PTPRD: variants seen among roughly 807,000 people sequenced by gnomAD.
PTPRD encodes protein tyrosine phosphatase receptor type D, also known as receptor-type tyrosine-protein phosphatase delta.
A neutral mutation model predicts 214.5 loss-of-function variants in PTPRD; 34 were observed. The ratio of observed to expected loss-of-function variants is 0.16; its 90% CI spans 0.12 to 0.21. PTPRD has a LOEUF of 0.21. PTPRD is among the 10% of genes least tolerant of loss of function. The pLI, the probability that PTPRD is intolerant of heterozygous loss-of-function variation, is 1.00. For synonymous variants in PTPRD, 1,128 were observed against 845.7 expected, an observed-to-expected ratio of 1.33 and a Z score of -5.79; for missense variants, 2,545 against 2,398.7, an observed-to-expected ratio of 1.06 and a Z score of -1.27.
chr9:8,595,769 A>C (rs1271251944), intron 14 of PTPRD, among the ~76,000 whole-genome samples: 1 of 152,202 alleles, frequency 6.6e-6, no homozygotes, highest in Non-Finnish European at 1.5e-5. Flanking sequence ...TCTTGTTTTC[A>C]CTGAGCTTAT....
At chr9:9,467,017 G>A (rs769665923) in intron 8 of PTPRD, among the ~76,000 whole-genome samples, 2 of 151,976 alleles carry the variant, frequency 1.3e-5, no homozygotes. Context: ...TTCCACTCAT[G>A]TATAAGATGA....
intron 2 of PTPRD, among the ~76,000 whole-genome samples, chr9:10,595,386 T>C (rs542988769): frequency 3.9e-5 from 6 of 152,004 alleles, no homozygotes; most frequent in African/African-American, 1.4e-4. Context: ...CAATAATTAC[T>C]TCCAAATAAG....
intron 11 of PTPRD, among the ~76,000 whole-genome samples, chr9:8,759,543 C>T (rs1212615364): frequency 6.6e-6 from 1 of 151,982 alleles, no homozygotes; most frequent in Non-Finnish European, 1.5e-5. Context: ...ATTTTTTACA[C>T]TGTCAATCTT....
intron 8 of PTPRD, among the ~76,000 whole-genome samples, chr9:9,438,389 T>C (rs562504606): frequency 6.6e-6 from 1 of 152,288 alleles, no homozygotes; most frequent in South Asian, 2.1e-4. Context: ...AAATAAATAA[T>C]CTCATACTGT....
At position 9,367,871 on chromosome 9, in the gene PTPRD, T is replaced by C. The variant is rs183794436; in HGVS notation, c.-203+29578A>G. ...TATGTATTCTGTTCCTAGAATAAGA[T>C]AATAGAGGTCTATTTTCTGTCTCTT... On this transcript the variant is annotated intron_variant, in intron 9 of 45. Transcript: ENST00000381196. Among the ~76,000 whole-genome samples the C allele has an allele frequency of 5.9e-5, 9 of 151,842 alleles. No homozygotes were observed. The East Asian group carries it at 1.6e-3, about 26-fold the overall frequency.
chr9:9,928,265 T>A (rs2085058046), intron 5 of PTPRD, among the ~76,000 whole-genome samples: 1 of 152,198 alleles, frequency 6.6e-6, no homozygotes, highest in African/African-American at 2.4e-5. Context: ...GATCAATGAA[T>A]CAATGCTATC....
chr9:8,396,766 A>G (rs1023757324), intron 36 of PTPRD, among the ~76,000 whole-genome samples: 27 of 152,154 alleles, frequency 1.8e-4, no homozygotes, highest in Admixed American at 1.5e-3. Flanking sequence ...TAAGAGAAAG[A>G]TGCCATTTAC....
rs1555222212 is a variant in PTPRD, at chr9:10,363,991, G to GTTTTTGTTT, written c.-599-22975_-599-22974insAAACAAAAA. Among the ~76,000 whole-genome samples, 25 of 35,124 alleles carry GTTTTTGTTT rather than the reference G, an allele frequency of 7.1e-4. 2 individuals are homozygous for GTTTTTGTTT. Among genetic ancestry groups the GTTTTTGTTT allele is most frequent in the East Asian group, 2.2e-3 (4 of 1,790 alleles). 23.0% of individuals were successfully genotyped at this position (35,124 alleles called of 152,430 possible). A position where few individuals can be genotyped will look rare whatever the true frequency, so the allele number is the denominator to read the frequency against. On this transcript the variant is annotated intron_variant, in intron 2 of 45. Transcript: ENST00000381196. ...ATTATTATTGCCTCCACATTTTCGG[G>GTTTTTGTTT]TTTTTTTTTTTTTTTTTTTTTTTTT...
chr9:9,586,250 A>C (rs542332958), intron 7 of PTPRD, among the ~76,000 whole-genome samples: 3 of 152,120 alleles, frequency 2.0e-5, no homozygotes, highest in African/African-American at 7.2e-5. Flanking sequence ...TTTGCTGTAG[A>C]CCTCATTATT....
intron 9 of PTPRD, among the ~76,000 whole-genome samples, chr9:9,348,826 A>G (rs2049958478): frequency 6.6e-6 from 1 of 152,082 alleles, no homozygotes; most frequent in African/African-American, 2.4e-5. Flanking sequence ...ACTTGTCCTA[A>G]TTAGGGTGCT....
intron 3 of PTPRD, among the ~76,000 whole-genome samples, chr9:10,220,903 G>A (rs970520403): frequency 1.3e-5 from 2 of 151,158 alleles, no homozygotes; most frequent in African/African-American, 4.9e-5. Context: ...GAAAGCTAAA[G>A]GGCACAAGGA....
At chr9:9,333,173 G>C (rs1481586955) in intron 9 of PTPRD, among the ~76,000 whole-genome samples, 1 of 151,834 alleles carries the variant, frequency 6.6e-6, no homozygotes, top group African/African-American at 2.4e-5. Context: ...AGATAATATA[G>C]AATACATAGA....
chr9:10,199,387 A>G (rs1359869685), intron 3 of PTPRD, among the ~76,000 whole-genome samples: 1 of 152,070 alleles, frequency 6.6e-6, no homozygotes, highest in East Asian at 1.9e-4. Flanking sequence ...CAGTATTAAC[A>G]GATCAATGTT....
intron 8 of PTPRD, among the ~76,000 whole-genome samples, chr9:9,532,571 C>T (rs934238251): frequency 1.3e-5 from 2 of 152,110 alleles, no homozygotes; most frequent in East Asian, 3.9e-4. Context: ...TTTGAGAATT[C>T]AGGAAAGCTA....
At chr9:10,102,967 T>C (rs560108117) in intron 3 of PTPRD, among the ~76,000 whole-genome samples, 1 of 151,814 alleles carries the variant, frequency 6.6e-6, no homozygotes, top group Admixed American at 6.6e-5. Context: ...CAATATCTCT[T>C]CTTCAAAACA....
intron 9 of PTPRD, among the ~76,000 whole-genome samples, chr9:9,247,519 G>C (rs1003872828): frequency 2.0e-5 from 3 of 151,990 alleles, no homozygotes; most frequent in African/African-American, 4.8e-5. Flanking sequence ...TGAGGGATGA[G>C]AAAAGGTATC....
At chr9:9,435,478 C>A (rs1284198576) in intron 8 of PTPRD, among the ~76,000 whole-genome samples, 2 of 152,054 alleles carry the variant, frequency 1.3e-5, no homozygotes, top group African/African-American at 2.4e-5. Flanking sequence ...ACTGTGCCAC[C>A]ACACTCCAGC....
intron 2 of PTPRD, among the ~76,000 whole-genome samples, chr9:10,437,939 G>A (rs1343921865): frequency 6.8e-6 from 1 of 147,106 alleles, no homozygotes; most frequent in Non-Finnish European, 1.5e-5. Flanking sequence ...TTCAAAAATG[G>A]ACATACACAC....
chr9:10,446,428 T>C (rs1285898967), intron 2 of PTPRD, among the ~76,000 whole-genome samples: 1 of 144,568 alleles, frequency 6.9e-6, no homozygotes, highest in South Asian at 2.2e-4. Flanking sequence ...TTTTTTTTTT[T>C]TTTTTTTTTT....
Sources: gnomAD v4.1 joint callset for allele counts (sites outside exome capture counted in the v4.1 genomes callset) on GRCh38, gnomAD v4.1.1 for gene constraint, MANE v1.5 for transcripts, NCBI Gene and HGNC (gene_info 2026-07-23, HGNC 2026-07-21) for gene names.